The following QTGAL variants were observed in gnomAD, a reference collection of about 807,000 sequenced individuals.
QTGAL encodes the protein queuosine-tRNA galactosyltransferase.
chr17:82,979,118 A>G, the QTGAL span, among the ~76,000 whole-genome samples: 2 of 152,364 alleles, frequency 1.3e-5, no homozygotes, highest in East Asian at 3.9e-4. Flanking sequence ...GAAAAAAGAA[A>G]CAATCAGGCA....
At chr17:83,050,327 G>T in the QTGAL span, among the ~76,000 whole-genome samples, 2 of 152,058 alleles carry the variant, frequency 1.3e-5, no homozygotes, top group South Asian at 4.2e-4. Flanking sequence ...CCGAGCTCGC[G>T]CCATTGTACT....
chr17:83,032,928 T>C, the QTGAL span, among the ~76,000 whole-genome samples: 2 of 152,152 alleles, frequency 1.3e-5, no homozygotes, highest in African/African-American at 2.4e-5. Context: ...ACCAGGAGCA[T>C]GTGCAGAGGC....
the QTGAL span, chr17:82,942,738 T>C: frequency 1.8e-6 from 1 of 549,808 alleles, no homozygotes; most frequent in East Asian, 3.2e-5. Flanking sequence ...CTGATGTGTG[T>C]AGGGGTGATG....
chr17:83,029,392 C>T, the QTGAL span, among the ~76,000 whole-genome samples: 1 of 151,696 alleles, frequency 6.6e-6, no homozygotes, highest in African/African-American at 2.4e-5. Context: ...TGTATAGATA[C>T]CAGATAGTTA....
At chr17:82,987,901 G>T in the QTGAL span, among the ~76,000 whole-genome samples, 2 of 152,196 alleles carry the variant, frequency 1.3e-5, no homozygotes, top group Non-Finnish European at 2.9e-5. Context: ...TCCTATCCAT[G>T]AGCATGGAAT....
At chr17:83,046,677 T>C in the QTGAL span, among the ~76,000 whole-genome samples, 13 of 152,242 alleles carry the variant, frequency 8.5e-5, no homozygotes, top group South Asian at 6.2e-4. Context: ...CTCCTCAGTA[T>C]GTTAAACACA....
chr17:83,005,622 G>A, the QTGAL span: 28 of 702,696 alleles, frequency 4.0e-5, no homozygotes, highest in African/African-American at 1.2e-4. The surrounding 1 kb of genome is among the most constrained non-coding windows in gnomAD (Gnocchi z 5.6). Context: ...CTGCCTGTCC[G>A]CAGGCCGCCC....
the QTGAL span, among the ~76,000 whole-genome samples, chr17:83,012,579 C>T: frequency 1.3e-5 from 2 of 152,204 alleles, no homozygotes; most frequent in Non-Finnish European, 2.9e-5. Context: ...AGGGTCTGCT[C>T]CACCTTCCAG....
At chr17:83,000,238 G>T in the QTGAL span, among the ~76,000 whole-genome samples, 1 of 150,266 alleles carries the variant, frequency 6.7e-6, no homozygotes, top group African/African-American at 2.5e-5. Context: ...TGGGATTACA[G>T]GCATGAGCCA....
At chr17:82,977,046 G>C in the QTGAL span, among the ~76,000 whole-genome samples, 1 of 152,386 alleles carries the variant, frequency 6.6e-6, no homozygotes, top group South Asian at 2.1e-4. Flanking sequence ...CCGGAAGACA[G>C]TCCTGCTGAC....
chr17:82,960,931 C>G, the QTGAL span: 3 of 1,373,832 alleles, frequency 2.2e-6, no homozygotes, highest in Non-Finnish European at 2.9e-6. Context: ...CCACCAGACC[C>G]TGGGTCTCAA....
At chr17:82,978,984 T>TA in the QTGAL span, among the ~76,000 whole-genome samples, 1 of 152,158 alleles carries the variant, frequency 6.6e-6, no homozygotes, top group Admixed American at 6.5e-5. This position sits in a 1 kb window ranked among gnomAD's most constrained non-coding sequence, Gnocchi z 4.8. Context: ...ATGTAGTATG[T>TA]AAAGGGAAGT....
the QTGAL span, chr17:82,948,869 G>GT: frequency 7.9e-5 from 12 of 152,216 alleles, no homozygotes; most frequent in African/African-American, 2.9e-4. Context: ...GGACAATGTT[G>GT]TTTTTTAAAT....
At chr17:83,008,071 AGAG>A in the QTGAL span, among the ~76,000 whole-genome samples, 6 of 152,146 alleles carry the variant, frequency 3.9e-5, no homozygotes, top group Non-Finnish European at 7.4e-5. Flanking sequence ...CACGCTCTCA[AGAG>A]GAGGAGGAGG....
At chr17:83,011,757 G>A in the QTGAL span, among the ~76,000 whole-genome samples, 1 of 151,786 alleles carries the variant, frequency 6.6e-6, no homozygotes, top group Non-Finnish European at 1.5e-5. Context: ...AGTGAGAAGA[G>A]TAGCAAGAAA....
chr17:82,991,539 G>A, the QTGAL span, among the ~76,000 whole-genome samples: 1,462 of 152,258 alleles, frequency 9.6e-3, 30 homozygotes, highest in African/African-American at 0.032. Context: ...AGCTTAGATC[G>A]CAACACTCAA....
chr17:82,947,227 C>G, the QTGAL span: 1 of 519,646 alleles, frequency 1.9e-6, no homozygotes, highest in Non-Finnish European at 3.4e-6. Flanking sequence ...GGCCTTGCCT[C>G]TCTACATAAG....
the QTGAL span, among the ~76,000 whole-genome samples, chr17:82,991,501 C>A: frequency 6.6e-6 from 1 of 152,194 alleles, no homozygotes; most frequent in South Asian, 2.1e-4. Context: ...GATTGTGAGG[C>A]CTCCCCAGCC....
At chr17:82,957,121 G>A in the QTGAL span, 1 of 1,601,274 alleles carries the variant, frequency 6.2e-7, no homozygotes, top group Non-Finnish European at 8.6e-7. Flanking sequence ...CGGAGCAGCT[G>A]TCCCTCAGCC....
Sources: allele counts gnomAD v4.1 joint callset (sites outside exome capture counted in the v4.1 genomes callset), GRCh38; gene constraint gnomAD v4.1.1; non-coding constraint Gnocchi (gnomAD v3.1); transcripts MANE v1.5; gene names NCBI Gene and HGNC (gene_info 2026-07-23, HGNC 2026-07-21).